The following NPAS3 variants were observed in gnomAD, a reference collection of about 807,000 sequenced individuals.
The protein encoded by NPAS3 is neuronal PAS domain protein 3.
In NPAS3, 14 loss-of-function variants were observed where a neutral mutation model predicts 73.1. That is an observed-to-expected ratio of 0.19 (90% CI 0.13 to 0.30). The LOEUF (loss-of-function observed/expected upper bound fraction) is 0.30. Ranked by LOEUF, NPAS3 falls within the 10% of genes least tolerant of loss-of-function variation. The probability of loss-of-function intolerance (pLI) is 1.00; values close to 1 mark genes in which losing one functional copy is unlikely to be tolerated. For missense variants in NPAS3, 1,096 were observed against 1,250.0 expected, an observed-to-expected ratio of 0.88 and a Z score of 1.86; for synonymous variants, 620 against 541.5, an observed-to-expected ratio of 1.14 and a Z score of -2.01.
intron 3 of NPAS3, among the ~76,000 whole-genome samples, chr14:33,328,528 G>A (rs1367567450): frequency 1.9e-4 from 22 of 115,986 alleles, no homozygotes; most frequent in African/African-American, 6.9e-4. Context: ...GTGCAGTGGC[G>A]CGATCTTGGC....
intron 5 of NPAS3, among the ~76,000 whole-genome samples, chr14:33,605,221 C>T (rs997021784): frequency 4.6e-5 from 7 of 151,776 alleles, no homozygotes; most frequent in African/African-American, 1.7e-4. Flanking sequence ...AGGACATCTA[C>T]AAAAAACCCT....
intron 2 of NPAS3, among the ~76,000 whole-genome samples, chr14:33,200,291 A>G (rs2046565130): frequency 6.6e-6 from 1 of 152,022 alleles, no homozygotes; most frequent in Non-Finnish European, 1.5e-5. Flanking sequence ...TACTTTTACT[A>G]ATAGACTAAG....
chr14:33,403,388 A>G (rs924967333), intron 4 of NPAS3, among the ~76,000 whole-genome samples: 9 of 152,116 alleles, frequency 5.9e-5, no homozygotes, highest in African/African-American at 2.2e-4. Flanking sequence ...AAAAAATGCA[A>G]TAGTACAATA....
At chr14:33,596,988 T>C (rs2057261434) in intron 5 of NPAS3, among the ~76,000 whole-genome samples, 1 of 152,170 alleles carries the variant, frequency 6.6e-6, no homozygotes, top group Non-Finnish European at 1.5e-5. Flanking sequence ...GTTGCGCTGG[T>C]AGTGTGTTGT....
intron 4 of NPAS3, among the ~76,000 whole-genome samples, chr14:33,411,909 C>T (rs1417206461): frequency 6.6e-6 from 1 of 152,126 alleles, no homozygotes; most frequent in East Asian, 1.9e-4. Context: ...TTAGCCTTGT[C>T]TGGTACTTTC....
intron 4 of NPAS3, among the ~76,000 whole-genome samples, chr14:33,417,676 A>T (rs1364365885): frequency 6.6e-6 from 1 of 151,946 alleles, no homozygotes; most frequent in African/African-American, 2.4e-5. Flanking sequence ...CATTGATACT[A>T]TTGTCATCTA....
chr14:33,464,188 G>A lies in NPAS3; in HGVS notation c.469-95933G>A, dbSNP rs75750413. 7.2e-5 allele frequency among the ~76,000 whole-genome samples: 11 copies of A among 152,072 alleles called. No individual in the cohort carries two copies. In the East Asian group the frequency reaches 2.1e-3, roughly 29 times the overall value. On this transcript the variant is annotated intron_variant, in intron 4 of 11. Transcript: ENST00000356141. ...TTGCTTAATGCATTCATTGCTTTTT[G>A]GACTCTGGAGTCCCCTGGGCAGTGC...
intron 3 of NPAS3, among the ~76,000 whole-genome samples, chr14:33,361,658 A>G (rs1319025215): frequency 3.3e-5 from 5 of 152,194 alleles, no homozygotes; most frequent in Non-Finnish European, 7.4e-5. Context: ...CATCGTTAAG[A>G]CTTCTTAAAA....
chr14:33,717,999 G>GT (rs149107903), intron 6 of NPAS3, among the ~76,000 whole-genome samples: 47,730 of 147,112 alleles, frequency 0.32, 9,192 homozygotes, highest in Non-Finnish European at 0.46. Context: ...TTTGTAATGG[G>GT]TTTTTTTTTT....
At chr14:33,779,526 G>T (rs537951165) in intron 9 of NPAS3, among the ~76,000 whole-genome samples, 1 of 152,184 alleles carries the variant, frequency 6.6e-6, no homozygotes, top group South Asian at 2.1e-4. Context: ...GCCATGTTTT[G>T]GTCAACTACC....
chr14:33,410,680 CTG>C (rs751237100), intron 4 of NPAS3, among the ~76,000 whole-genome samples: 1 of 152,204 alleles, frequency 6.6e-6, no homozygotes, highest in Non-Finnish European at 1.5e-5. Flanking sequence ...GATGCTCACT[CTG>C]TCACCCAGGC....
At chr14:33,244,322 T>C (rs968391582) in intron 3 of NPAS3, among the ~76,000 whole-genome samples, 3 of 152,166 alleles carry the variant, frequency 2.0e-5, no homozygotes, top group Non-Finnish European at 4.4e-5. Flanking sequence ...TTTTCTGTTT[T>C]TAAGTAGTTA....
chr14:33,402,120 A>C (rs2138762913), intron 4 of NPAS3, among the ~76,000 whole-genome samples: 1 of 152,174 alleles, frequency 6.6e-6, no homozygotes, highest in Non-Finnish European at 1.5e-5. Flanking sequence ...CTTGGTACAA[A>C]GTCCTTCTAT....
intron 5 of NPAS3, among the ~76,000 whole-genome samples, chr14:33,637,073 G>A (rs1056436299): frequency 6.6e-5 from 10 of 152,072 alleles, no homozygotes; most frequent in African/African-American, 2.4e-4. Flanking sequence ...TTACAGGCTT[G>A]AGAAAAGCAT....
At chr14:33,639,937 G>GCTGGTCACAGTGACTCACAC (rs1197607209) in intron 5 of NPAS3, among the ~76,000 whole-genome samples, 1 of 152,002 alleles carries the variant, frequency 6.6e-6, no homozygotes, top group Non-Finnish European at 1.5e-5. Context: ...ACCTCTATGG[G>GCTGGTCACAGTGACTCACAC]CTGGTCACAG....
upstream of NPAS3, chr14:32,934,832 C>A: frequency 2.3e-6 from 1 of 438,590 alleles, no homozygotes; most frequent in Non-Finnish European, 3.0e-6. The surrounding 1 kb of genome is among the most constrained non-coding windows in gnomAD (Gnocchi z 4.1). Context: ...CGCCCGGGGG[C>A]CGAAGCCGCG....
intron 5 of NPAS3, among the ~76,000 whole-genome samples, chr14:33,568,332 A>G (rs2056062537): frequency 6.6e-6 from 1 of 152,150 alleles, no homozygotes; most frequent in Non-Finnish European, 1.5e-5. Context: ...TGGCAATATA[A>G]TGTCCCTGGT....
At chr14:33,749,221 C>G (rs1566496742) in intron 7 of NPAS3, among the ~76,000 whole-genome samples, 1 of 152,200 alleles carries the variant, frequency 6.6e-6, no homozygotes, top group Non-Finnish European at 1.5e-5. Context: ...CTTTTCCTCA[C>G]TAACTTTAAA....
chr14:33,605,393 TAAAA>T (rs57109563), intron 5 of NPAS3, among the ~76,000 whole-genome samples: 113 of 137,388 alleles, frequency 8.2e-4, no homozygotes, highest in African/African-American at 2.9e-3. Context: ...GCATTCAAAT[TAAAA>T]AAAAAAAAAA....
Sources: allele counts gnomAD v4.1 joint callset (sites outside exome capture counted in the v4.1 genomes callset), GRCh38; gene constraint gnomAD v4.1.1; non-coding constraint Gnocchi (gnomAD v3.1); transcripts MANE v1.5; gene names NCBI Gene and HGNC (gene_info 2026-07-23, HGNC 2026-07-21).